TEK: variants seen among roughly 807,000 people sequenced by gnomAD.
TEK encodes TEK receptor tyrosine kinase.
TEK carries 43 observed loss-of-function variants against 131.8 expected under a neutral mutation model. That is an observed-to-expected ratio of 0.33 (90% CI 0.26 to 0.42). TEK has a LOEUF of 0.42. Among genes scored for constraint, TEK ranks in the 10% least tolerant of loss-of-function variants. The pLI is 1.00. For missense variants in TEK, 1,162 were observed against 1,384.4 expected (o/e 0.84, Z 2.55); for synonymous variants, 580 against 491.6 (o/e 1.18, Z -2.38).
intron 10 of TEK, chr9:27,191,997 T>C (rs1386453358): frequency 4.4e-6 from 2 of 453,098 alleles, no homozygotes; most frequent in African/African-American, 4.0e-5. Context: ...ACCATTTGTT[T>C]ATGGGTGCTA....
At chr9:27,204,471 C>T (rs594949) in intron 13 of TEK, among the ~76,000 whole-genome samples, 31,333 of 152,018 alleles carry the variant, frequency 0.21, 3,724 homozygotes, top group Non-Finnish European at 0.27. Context: ...AAACAAAATA[C>T]CTGATAGACT....
rs914823043 is a variant in TEK, at chr9:27,197,489, T to C, written c.1799T>C (p.Val600Ala). 5 of 1,613,898 alleles carry C rather than the reference T, an allele frequency of 3.1e-6. No individual in the cohort carries two copies. The highest frequency in any genetic ancestry group is 4.2e-6 in the Non-Finnish European group (5 of 1,179,982). ...AAAGTTCCAGGCAACTTGACTTCGGTGCTACTTAACAACTTACATCCCAGG... is the reference window on the plus strand; with the variant it reads ...AAAGTTCCAGGCAACTTGACTTCGGCGCTACTTAACAACTTACATCCCAGG... ...NIKVPGNLTS[V>A]LLNNLHPREQ... Residue 600 changes from valine to alanine, a missense_variant, in exon 12 of 23, where the codon GTG (valine) becomes GCG (alanine). Physicochemically the swap from Val to Ala is moderately conservative, Grantham distance 64. Coordinates refer to ENST00000380036, the MANE Select transcript of TEK (RefSeq NM_000459.5).
At chr9:27,137,961 T>C (rs35469430) in intron 1 of TEK, among the ~76,000 whole-genome samples, 35,381 of 151,984 alleles carry the variant, frequency 0.23, 4,679 homozygotes, top group Admixed American at 0.3. Flanking sequence ...TGTCTGGAGT[T>C]TCTTCCTTCC....
At position 27,158,020 on chromosome 9, in the gene TEK, A is replaced by C; in HGVS notation, c.242A>C (p.Glu81Ala). The change falls in exon 2 of 23, where the codon GAA becomes GCA. Residue 81 changes from glutamate (E) to alanine (A), a missense_variant. Physicochemically the swap from Glu to Ala is moderately radical, Grantham distance 107. Transcript: ENST00000380036. ...GAAGTTACTCAAGATGTGACCAGAG[A>C]ATGGGCTAAAAAAGTTGTTTGGAAG... ...PLEVTQDVTR[E>A]WAKKVVWKRE... The C allele has an allele frequency of 6.2e-7, 1 of 1,614,112 alleles. No individual in the cohort carries two copies. Among genetic ancestry groups the C allele is most frequent in the South Asian group, 1.1e-5 (1 of 91,068 alleles).
intron 1 of TEK, among the ~76,000 whole-genome samples, chr9:27,136,163 C>T (rs1034210080): frequency 3.3e-5 from 5 of 149,976 alleles, no homozygotes; most frequent in Non-Finnish European, 7.4e-5. Context: ...CTCACTGCAA[C>T]CTCCCCATCC....
At chr9:27,183,314 A>T (rs1824463455) in intron 7 of TEK, 145 bp from the exon 8 acceptor site, 3 of 858,780 alleles carry the variant, frequency 3.5e-6, no homozygotes, top group South Asian at 1.4e-5. Flanking sequence ...TCCACATCAC[A>T]GGTGTCTTAT....
chr9:27,202,048 G>T (rs1825232341), intron 12 of TEK, among the ~76,000 whole-genome samples: 1 of 152,160 alleles, frequency 6.6e-6, no homozygotes, highest in South Asian at 2.1e-4. Context: ...GCCTTTATTG[G>T]ATCACGAACT....
At chr9:27,210,777 C>G (rs1193480558) in intron 16 of TEK, among the ~76,000 whole-genome samples, 1 of 152,128 alleles carries the variant, frequency 6.6e-6, no homozygotes, top group Non-Finnish European at 1.5e-5. Flanking sequence ...AAAATATATC[C>G]CTTAAAATTT....
chr9:27,121,096 C>T (rs924272925), intron 1 of TEK, among the ~76,000 whole-genome samples: 3 of 152,030 alleles, frequency 2.0e-5, no homozygotes, highest in East Asian at 1.9e-4. Flanking sequence ...CTGAGGCCAG[C>T]GAATCACCTG....
chr9:27,222,153 C>G (rs1001095512), intron 21 of TEK, among the ~76,000 whole-genome samples: 1 of 152,032 alleles, frequency 6.6e-6, no homozygotes, highest in Non-Finnish European at 1.5e-5. Flanking sequence ...ACTGAAGATA[C>G]ACTTAAAGCA....
At chr9:27,136,239 G>C (rs917753753) in intron 1 of TEK, among the ~76,000 whole-genome samples, 4 of 152,018 alleles carry the variant, frequency 2.6e-5, no homozygotes, top group African/African-American at 9.6e-5. Flanking sequence ...ATGCCACCAC[G>C]CCCAGCTGAT....
At chr9:27,228,108 C>A in intron 21 of TEK, 98 bp from the exon 22 acceptor site, 1 of 956,170 alleles carries the variant, frequency 1.0e-6, no homozygotes. Flanking sequence ...GCTTCATAAC[C>A]ATGCATTGGG....
rs1471516875 is a variant in TEK at position 27,196,796 on chromosome 9, AATTT to A, written c.1625-510_1625-507del. On this transcript the variant is annotated intron_variant, in intron 11 of 22. Coordinates refer to ENST00000380036, the MANE Select transcript of TEK (RefSeq NM_000459.5). ...TTTTTTTTTTTTTTTACTGTTTCAT[AATTT>A]ATTTATTTTTCCATGGAAATTATTT... 4.4e-5 allele frequency among the ~76,000 whole-genome samples: 6 copies of A among 136,848 alleles called. No individual in the cohort carries two copies. The South Asian group carries it at 6.9e-4, about 16-fold the overall frequency. 89.8% of individuals were successfully genotyped at this position (136,848 alleles called of 152,430 possible). A position where few individuals can be genotyped will look rare whatever the true frequency, so the allele number is the denominator to read the frequency against.
chr9:27,110,975 A>C (rs1821318901), intron 1 of TEK, among the ~76,000 whole-genome samples: 1 of 151,950 alleles, frequency 6.6e-6, no homozygotes. Flanking sequence ...AACTTACTCT[A>C]TACCAGGGAT....
At chr9:27,134,715 C>T (rs550356071) in intron 1 of TEK, among the ~76,000 whole-genome samples, 4 of 152,166 alleles carry the variant, frequency 2.6e-5, no homozygotes, top group Non-Finnish European at 5.9e-5. Flanking sequence ...AGTCAGATAT[C>T]ATCATTAAAT....
At chr9:27,145,411 G>A (rs971874268) in intron 1 of TEK, among the ~76,000 whole-genome samples, 1 of 152,178 alleles carries the variant, frequency 6.6e-6, no homozygotes, top group Non-Finnish European at 1.5e-5. Flanking sequence ...CCTTCTAAGG[G>A]TGTCTTAGCT....
intron 1 of TEK, among the ~76,000 whole-genome samples, chr9:27,135,520 C>T (rs543071962): frequency 6.6e-6 from 1 of 152,160 alleles, no homozygotes; most frequent in Non-Finnish European, 1.5e-5. Context: ...ATTGAATATT[C>T]CACTATTTGC....
chr9:27,162,379 C>G (rs1234344637), intron 2 of TEK, among the ~76,000 whole-genome samples: 1 of 152,162 alleles, frequency 6.6e-6, no homozygotes, highest in Non-Finnish European at 1.5e-5. Context: ...TGGATTTTAT[C>G]AATGGCATCA....
intron 20 of TEK, among the ~76,000 whole-genome samples, chr9:27,219,755 T>C (rs77618328): frequency 0.017 from 2,331 of 139,384 alleles, 71 homozygotes; most frequent in African/African-American, 0.061. Context: ...ATTGGTATAA[T>C]AAAGGTTAAT....
Sources: gnomAD v4.1 joint callset for allele counts (sites outside exome capture counted in the v4.1 genomes callset) on GRCh38, gnomAD v4.1.1 for gene constraint, MANE v1.5 for transcripts, NCBI Gene and HGNC (gene_info 2026-07-23, HGNC 2026-07-21) for gene names.